NPTN: variants seen among roughly 807,000 people sequenced by gnomAD.
NPTN encodes the protein neuroplastin.
In NPTN, 5 loss-of-function variants were observed where a neutral mutation model predicts 42.7. That is an observed-to-expected ratio of 0.12 (90% CI 0.06 to 0.25). The LOEUF is 0.25. NPTN is among the 10% of genes least tolerant of loss of function. The pLI is 1.00. For missense variants in NPTN, 307 were observed against 525.4 expected, an observed-to-expected ratio of 0.58 and a Z score of 4.06; for synonymous variants, 180 against 201.9, an observed-to-expected ratio of 0.89 and a Z score of 0.92.
chr15:73,620,917 A>C (rs1898106380), intron 1 of NPTN, among the ~76,000 whole-genome samples: 1 of 152,360 alleles, frequency 6.6e-6, no homozygotes, highest in Non-Finnish European at 1.5e-5. Context: ...CTTAGCACTT[A>C]CAGACTGATC....
chr15:73,579,265 G>T (rs937670198), intron 4 of NPTN, among the ~76,000 whole-genome samples: 3 of 141,858 alleles, frequency 2.1e-5, no homozygotes, highest in African/African-American at 7.9e-5. Context: ...GGCGACAGAG[G>T]GGACTCCGTC....
chr15:73,566,828 T>C lies in NPTN; in HGVS notation c.1114+3322A>G, dbSNP rs146528515. ...CTTATTTGACTCCATGATTCACTTG[T>C]TCCTGAAAATACTGAAGGTAAAGGT... On this transcript the variant is annotated intron_variant, in intron 6 of 8. Coordinates refer to ENST00000345330, the MANE Select transcript of NPTN (RefSeq NM_012428.4). 1.1e-3 allele frequency among the ~76,000 whole-genome samples: 163 copies of C among 152,294 alleles called. 1 individual carries two copies. Among genetic ancestry groups the C allele is most frequent in the African/African-American group, 3.7e-3 (153 of 41,560 alleles).
chr15:73,574,015 G>A (rs138668805), intron 4 of NPTN, among the ~76,000 whole-genome samples: 1 of 152,154 alleles, frequency 6.6e-6, no homozygotes, highest in Non-Finnish European at 1.5e-5. Flanking sequence ...AGATACCAGG[G>A]TTACTAATAT....
chr15:73,623,745 A>G (rs1213607702), intron 1 of NPTN, among the ~76,000 whole-genome samples: 1 of 152,136 alleles, frequency 6.6e-6, no homozygotes, highest in Non-Finnish European at 1.5e-5. Context: ...TTCATTTCAT[A>G]TTCATTTCCA....
At position 73,613,287 on chromosome 15, in the gene NPTN, CTATTT is replaced by C. The variant is rs1252884017; in HGVS notation, c.92-15923_92-15919del. Among the ~76,000 whole-genome samples the C allele has an allele frequency of 3.3e-5, 5 of 152,278 alleles. No individual in the cohort carries two copies. In the East Asian group the frequency reaches 5.8e-4, roughly 18 times the overall value. On this transcript the variant is annotated intron_variant, in intron 1 of 8. Coordinates refer to ENST00000345330, the MANE Select transcript of NPTN (RefSeq NM_012428.4). ...GTCCTCCAAAGCACCTCCAAAATTC[CTATTT>C]TATTTTTATCTATTAAAATTATAAA... is the stretch of plus-strand genomic sequence containing the variant.
At chr15:73,604,027 G>A (rs77982247) in intron 1 of NPTN, among the ~76,000 whole-genome samples, 10,881 of 152,190 alleles carry the variant, frequency 0.071, 548 homozygotes, top group Non-Finnish European at 0.11. Flanking sequence ...CAAGAAATAA[G>A]CATTTGGTAT....
rs1342622485 is a variant in NPTN, at chr15:73,570,513, C to G, written c.841-90G>C. ...GACACTGCTCTCCGTTCTTTTTAGG[C>G]ACCAGCCAGAATGAGGAAGCAGTGT... On this transcript the variant is annotated intron_variant, in intron 5 of 8. Coordinates refer to ENST00000345330, the MANE Select transcript of NPTN (RefSeq NM_012428.4). This position sits in a 1 kb window ranked among gnomAD's most constrained non-coding sequence, Gnocchi z 4.0. 1.7e-6 allele frequency: 2 copies of G among 1,202,548 alleles called. No individual in the cohort carries two copies. Among genetic ancestry groups the G allele is most frequent in the African/African-American group, 3.0e-5 (2 of 65,576 alleles). The allele number at this position is 1,202,548 out of a possible 1,614,324, so 74.5% of individuals were successfully genotyped here. A position where few individuals can be genotyped will look rare whatever the true frequency, so the allele number is the denominator to read the frequency against.
intron 4 of NPTN, among the ~76,000 whole-genome samples, chr15:73,585,551 C>T (rs2141387197): frequency 6.6e-6 from 1 of 152,284 alleles, no homozygotes; most frequent in East Asian, 1.9e-4. Flanking sequence ...CTTTACCATA[C>T]TCAACTATCC....
intron 7 of NPTN, among the ~76,000 whole-genome samples, chr15:73,562,312 A>G (rs1894725474): frequency 6.6e-6 from 1 of 152,372 alleles, no homozygotes; most frequent in Admixed American, 6.5e-5. Flanking sequence ...CACACAAAAA[A>G]AACTTCAGAT....
At chr15:73,605,327 A>G (rs1473882096) in intron 1 of NPTN, among the ~76,000 whole-genome samples, 4 of 152,134 alleles carry the variant, frequency 2.6e-5, no homozygotes, top group Non-Finnish European at 4.4e-5. Context: ...ACATTAAATG[A>G]GGTAAGGCTG....
chr15:73,605,596 C>T (rs1419670425), intron 1 of NPTN, among the ~76,000 whole-genome samples: 3 of 151,828 alleles, frequency 2.0e-5, no homozygotes, highest in African/African-American at 7.3e-5. Context: ...GGCATGGTGG[C>T]GCATGCCTGT....
intron 1 of NPTN, among the ~76,000 whole-genome samples, chr15:73,604,484 A>C (rs1897207658): frequency 1.3e-5 from 2 of 152,182 alleles, no homozygotes; most frequent in South Asian, 4.1e-4. Flanking sequence ...AATTATGGGA[A>C]TCTCTCAACT....
At chr15:73,630,214 G>C (rs76324536) in intron 1 of NPTN, among the ~76,000 whole-genome samples, 2,022 of 152,276 alleles carry the variant, frequency 0.013, 53 homozygotes, top group African/African-American at 0.046. Flanking sequence ...TACAGATGAT[G>C]AACTGATGAA....
chr15:73,562,907 G>A (rs1460903285), intron 7 of NPTN, among the ~76,000 whole-genome samples: 2 of 151,526 alleles, frequency 1.3e-5, no homozygotes, highest in African/African-American at 2.4e-5. Context: ...GATCAGAAAC[G>A]TTTTAACATT....
At chr15:73,613,386 T>G (rs2141455165) in intron 1 of NPTN, among the ~76,000 whole-genome samples, 2 of 152,298 alleles carry the variant, frequency 1.3e-5, no homozygotes, top group South Asian at 4.1e-4. Flanking sequence ...ATTTTTCCAT[T>G]AACTAGAACC....
At chr15:73,627,843 A>C (rs1174235741) in intron 1 of NPTN, among the ~76,000 whole-genome samples, 1 of 152,220 alleles carries the variant, frequency 6.6e-6, no homozygotes, top group Non-Finnish European at 1.5e-5. Context: ...CATCAATATC[A>C]CTAGAATAAT....
intron 5 of NPTN, among the ~76,000 whole-genome samples, chr15:73,571,551 T>G (rs1895387020): frequency 6.6e-6 from 1 of 152,144 alleles, no homozygotes; most frequent in South Asian, 2.1e-4. Flanking sequence ...AGCTAACATT[T>G]GCACTAGACT....
At chr15:73,610,955 T>C (rs900086951) in intron 1 of NPTN, among the ~76,000 whole-genome samples, 1 of 152,246 alleles carries the variant, frequency 6.6e-6, no homozygotes, top group Non-Finnish European at 1.5e-5. Flanking sequence ...AGCAGAACTT[T>C]ACTGAGTCTT....
intron 1 of NPTN, among the ~76,000 whole-genome samples, chr15:73,619,397 T>C (rs1898021275): frequency 1.3e-5 from 2 of 152,222 alleles, no homozygotes; most frequent in Admixed American, 6.5e-5. Flanking sequence ...TAATATATCA[T>C]AGTTTCCTAG....
Sources: allele counts gnomAD v4.1 joint callset (sites outside exome capture counted in the v4.1 genomes callset), GRCh38; gene constraint gnomAD v4.1.1; non-coding constraint Gnocchi (gnomAD v3.1); transcripts MANE v1.5; gene names NCBI Gene and HGNC (gene_info 2026-07-23, HGNC 2026-07-21).